Variants in CHD9 observed in about 807,000 individuals in gnomAD.
CHD9 encodes the protein chromodomain helicase DNA binding protein 9, also known as ATP-dependent chromatin remodeler CHD9.
CHD9 carries 77 observed loss-of-function variants against 316.1 expected under a neutral mutation model. The ratio of observed to expected loss-of-function variants is 0.24; its 90% CI spans 0.20 to 0.29. CHD9 has a LOEUF of 0.29. CHD9 is among the 10% of genes least tolerant of loss of function. The pLI, the probability that CHD9 is intolerant of heterozygous loss-of-function variation, is 1.00. For missense variants in CHD9, 2,763 were observed against 3,438.1 expected, an observed-to-expected ratio of 0.80 and a Z score of 4.91; for synonymous variants, 1,129 against 1,158.3, an observed-to-expected ratio of 0.97 and a Z score of 0.51.
At chr16:53,240,770 G>A (rs1488728159) in intron 12 of CHD9, among the ~76,000 whole-genome samples, 1 of 151,958 alleles carries the variant, frequency 6.6e-6, no homozygotes, top group Non-Finnish European at 1.5e-5. Context: ...TTTAACATGT[G>A]CCAGGCATTA....
chr16:53,269,232 A>G (rs977340298), intron 22 of CHD9, among the ~76,000 whole-genome samples: 1 of 152,084 alleles, frequency 6.6e-6, no homozygotes, highest in African/African-American at 2.4e-5. Flanking sequence ...TTTGCATGAA[A>G]TAATTATTTT....
intron 2 of CHD9, among the ~76,000 whole-genome samples, chr16:53,158,801 C>CT (rs1272782800): frequency 6.6e-6 from 1 of 151,710 alleles, no homozygotes; most frequent in Non-Finnish European, 1.5e-5. Context: ...CCATGCCTGG[C>CT]TTTTTTTGTA....
At chr16:53,160,618 T>G (rs2041839037) in intron 2 of CHD9, among the ~76,000 whole-genome samples, 1 of 152,130 alleles carries the variant, frequency 6.6e-6, no homozygotes, top group South Asian at 2.1e-4. Flanking sequence ...ACTGAAAGTC[T>G]ATTCTCGGCC....
intron 1 of CHD9, among the ~76,000 whole-genome samples, chr16:53,092,995 TC>T (rs1435505406): frequency 6.6e-6 from 1 of 152,316 alleles, no homozygotes; most frequent in East Asian, 1.9e-4. Context: ...CCAGGGCTGG[TC>T]TCAAACTCCT....
intron 1 of CHD9, among the ~76,000 whole-genome samples, chr16:53,110,152 C>T (rs771685424): frequency 2.6e-5 from 4 of 152,126 alleles, no homozygotes; most frequent in African/African-American, 7.2e-5. Context: ...TGTCTGGTCC[C>T]GGTAGGCATT....
In CHD9 at chr16:53,297,153, A is replaced by G; in HGVS notation, c.5708A>G (p.Lys1903Arg). The stretch of plus-strand genomic sequence containing the variant: ...CGGAGGGTTTGTCGTCTTCCTTCCA[A>G]AGAAGGTATGTATAAAATTTCTTTT... ...MCRRVCRLPSKEELVDPNIFI... is the reference protein window; with the variant it reads ...MCRRVCRLPSREELVDPNIFI... The change falls in exon 30 of 39, where the codon AAA (lysine) becomes AGA (arginine). Residue 1903 changes from lysine to arginine, a missense_variant. Lys to Arg is a conservative substitution (Grantham distance 26, BLOSUM62 2). Coordinates refer to ENST00000447540, the MANE Select transcript of CHD9 (RefSeq NM_001308319.2). 6.2e-7 allele frequency: 1 copy of G among 1,611,478 alleles called. No individual in the cohort carries two copies. The highest frequency in any genetic ancestry group is 8.5e-7 in the Non-Finnish European group (1 of 1,178,018).
At chr16:53,298,283 G>C (rs945617028) in intron 30 of CHD9, 3 of 151,578 alleles carry the variant, frequency 2.0e-5, no homozygotes, top group African/African-American at 7.3e-5. Flanking sequence ...GTTGCGGACA[G>C]TCCACATGGA....
chr16:53,169,759 A>G (rs1441391875), intron 2 of CHD9, among the ~76,000 whole-genome samples: 1 of 152,210 alleles, frequency 6.6e-6, no homozygotes, highest in African/African-American at 2.4e-5. Context: ...ACCACAACCA[A>G]GAAATATAAC....
intron 1 of CHD9, among the ~76,000 whole-genome samples, chr16:53,150,763 C>T (rs2041034707): frequency 2.0e-5 from 3 of 152,178 alleles, no homozygotes; most frequent in Non-Finnish European, 1.5e-5. Flanking sequence ...TCTTAGTCAA[C>T]AGTTTTTTTC....
intron 2 of CHD9, among the ~76,000 whole-genome samples, chr16:53,201,151 G>T (rs1039242166): frequency 1.3e-5 from 2 of 152,172 alleles, no homozygotes; most frequent in African/African-American, 2.4e-5. Context: ...AAGTATTGGG[G>T]ATAATTTATG....
chr16:53,267,899 T>G (rs1402110797), intron 21 of CHD9, 28 bp from the exon 22 acceptor site: 1 of 1,585,336 alleles, frequency 6.3e-7, no homozygotes, highest in South Asian at 1.1e-5. Flanking sequence ...TGACTCAATA[T>G]CAATGTAACT....
Position 53,262,765 on chromosome 16 carries a change from A to G in CHD9, c.4210-222A>G, listed in dbSNP as rs74583764. Among the ~76,000 whole-genome samples the G allele has an allele frequency of 3.7e-3, 560 of 152,316 alleles. 3 individuals are homozygous for G. Among genetic ancestry groups the G allele is most frequent in the African/African-American group, 0.013 (540 of 41,582 alleles). On this transcript the variant is annotated intron_variant, in intron 19 of 38. Coordinates refer to ENST00000447540, the MANE Select transcript of CHD9 (RefSeq NM_001308319.2). Reference sequence around the variant, plus strand: ...ACCAAAAGTATCAGAGTTAACCAACAGTAATAACTTATTTAATTCTGCTCC... The same window carrying G: ...ACCAAAAGTATCAGAGTTAACCAACGGTAATAACTTATTTAATTCTGCTCC...
chr16:53,156,771 A>G lies in CHD9; in HGVS notation c.682A>G (p.Met228Val), dbSNP rs747976696. The change falls in exon 2 of 39, where the codon ATG (methionine) becomes GTG (valine). Residue 228 changes from methionine to valine, a missense_variant. By Grantham distance (21) the Met-to-Val change is conservative. Transcript: ENST00000447540. ...ATCTAATTCACAACAGTCTATTTCA[A>G]TGCAGCAATTTTCTCAAACGTCAAA... ...NASNSQQSIS[M>V]QQFSQTSNPS... is the part of the protein sequence containing the mutation. 8.1e-6 allele frequency: 13 copies of G among 1,613,776 alleles called. No homozygotes were observed. Among genetic ancestry groups the G allele is most frequent in the South Asian group, 5.5e-5 (5 of 91,080 alleles).
intron 2 of CHD9, chr16:53,208,131 A>C: frequency 9.4e-7 from 1 of 1,064,216 alleles, no homozygotes; most frequent in Non-Finnish European, 1.1e-6. Flanking sequence ...TAGGATGAAC[A>C]GTAGATATAA....
Position 53,308,852 on chromosome 16 carries a change from C to T in CHD9, c.7220C>T (p.Ser2407Leu), listed in dbSNP as rs2056219936. 9 of 1,607,746 alleles carry T rather than the reference C, an allele frequency of 5.6e-6. No individual in the cohort carries two copies. Among genetic ancestry groups the T allele is most frequent in the Non-Finnish European group, 7.7e-6 (9 of 1,175,124 alleles). Residue 2407 changes from serine to leucine, a missense_variant and splice_region_variant, in exon 34 of 39, where the codon TCA becomes TTA. Around this residue, in one of 15 missense-constraint regions of CHD9, gnomAD observed 663 missense variants for 751.2 expected, o/e 0.88. Coordinates refer to ENST00000447540, the MANE Select transcript of CHD9 (RefSeq NM_001308319.2). ...LVNFPKSIPV[S>L]GTSIQPTLGA... Reference sequence around the variant, plus strand: ...AATTTCCCAAAATCCATACCAGTATCAGGTGAATATGCAAGTAATAATTGT... The same window carrying T: ...AATTTCCCAAAATCCATACCAGTATTAGGTGAATATGCAAGTAATAATTGT...
chr16:53,278,372 A>G (rs905992904), intron 24 of CHD9, among the ~76,000 whole-genome samples: 8 of 152,224 alleles, frequency 5.3e-5, no homozygotes, highest in African/African-American at 1.9e-4. Flanking sequence ...CTATCAGGCC[A>G]TAGTCACCAA....
intron 4 of CHD9, among the ~76,000 whole-genome samples, chr16:53,224,870 T>C (rs1002569848): frequency 7.2e-5 from 11 of 152,150 alleles, no homozygotes; most frequent in African/African-American, 2.7e-4. Context: ...TAATAGTAAT[T>C]CATATCGTTT....
rs1334699319 is a variant in CHD9 at position 53,170,580 on chromosome 16, TG to T, written c.1452+13040del. 0.017 allele frequency among the ~76,000 whole-genome samples: 174 copies of T among 10,510 alleles called. 1 individual carries two copies. The East Asian group carries it at 0.45, about 27-fold the overall frequency. 6.9% of individuals were successfully genotyped at this position (10,510 alleles called of 152,430 possible). The stretch of plus-strand genomic sequence containing the variant: ...GCAGTACTAGTATTTTGTAATTTCG[TG>T]TGTGTGTGTGTGTGTGTGTGTGTGT... On this transcript the variant is annotated intron_variant, in intron 2 of 38. Transcript: ENST00000447540.
At chr16:53,202,934 A>AT in intron 2 of CHD9, among the ~76,000 whole-genome samples, 1 of 152,170 alleles carries the variant, frequency 6.6e-6, no homozygotes, top group East Asian at 1.9e-4. Context: ...TCTGAAAACA[A>AT]ATCTAAGGGT....
Sources: allele counts gnomAD v4.1 joint callset (sites outside exome capture counted in the v4.1 genomes callset), GRCh38; gene constraint gnomAD v4.1.1; regional missense constraint gnomAD v4.1.1; transcripts MANE v1.5; gene names NCBI Gene and HGNC (gene_info 2026-07-23, HGNC 2026-07-21).